The following CIRSR variants were observed in gnomAD, a reference collection of about 807,000 sequenced individuals.
CIRSR encodes corepressor of RBPJ and splicing regulator, also known as CBF1 (RBPJ) interacting corepressor 1.
the CIRSR span, chr2:174,351,477 C>A: frequency 1.8e-6 from 1 of 543,654 alleles, no homozygotes. Flanking sequence ...AAAGCAAAAT[C>A]AAAACACATT....
chr2:174,392,701 G>A, the CIRSR span, among the ~76,000 whole-genome samples: 1 of 152,186 alleles, frequency 6.6e-6, no homozygotes, highest in Admixed American at 6.5e-5. Flanking sequence ...TCTGGTTTGG[G>A]CAACAGGATG....
the CIRSR span, among the ~76,000 whole-genome samples, chr2:174,354,483 TTATATTATATAAATTATATTA>T: frequency 1.5e-4 from 12 of 80,656 alleles, no homozygotes; most frequent in South Asian, 1.6e-3. Context: ...ATAATATATA[TTATATTATATAAATTATATTA>T]TATATATCAT....
the CIRSR span, among the ~76,000 whole-genome samples, chr2:174,374,289 C>G: frequency 6.6e-6 from 1 of 152,102 alleles, no homozygotes; most frequent in Non-Finnish European, 1.5e-5. Flanking sequence ...TTAGTCCCAC[C>G]TCCTCTATTA....
the CIRSR span, among the ~76,000 whole-genome samples, chr2:174,356,533 A>AGGAAGGAAGGAAGGAC: frequency 2.0e-5 from 3 of 148,332 alleles, no homozygotes; most frequent in African/African-American, 7.5e-5. Context: ...GAAAGAAGAA[A>AGGAAGGAAGGAAGGAC]GGAAGGAAGG....
the CIRSR span, among the ~76,000 whole-genome samples, chr2:174,353,159 G>GA: frequency 6.6e-6 from 1 of 152,080 alleles, no homozygotes; most frequent in African/African-American, 2.4e-5. Context: ...AGATGATGGG[G>GA]AAAAACTGTC....
At chr2:174,349,291 G>A in the CIRSR span, 1 of 664,966 alleles carries the variant, frequency 1.5e-6, no homozygotes, top group Non-Finnish European at 2.4e-6. Context: ...CCATGGCAGA[G>A]CGCGCTGGCT....
chr2:174,349,066 A>G, the CIRSR span: 8 of 1,585,246 alleles, frequency 5.0e-6, no homozygotes, highest in Non-Finnish European at 6.9e-6. Context: ...GAGGAGGAAG[A>G]TGAGGAAGAA....
At chr2:174,394,988 C>T in the CIRSR span, among the ~76,000 whole-genome samples, 7 of 152,204 alleles carry the variant, frequency 4.6e-5, no homozygotes, top group African/African-American at 1.4e-4. Context: ...GCTCGAATAA[C>T]TAGAATCCAG....
the CIRSR span, among the ~76,000 whole-genome samples, chr2:174,353,490 T>C: frequency 6.6e-6 from 1 of 152,106 alleles, no homozygotes; most frequent in South Asian, 2.1e-4. Flanking sequence ...GTGTGTGAGA[T>C]GGAGTCTTGC....
chr2:174,393,853 A>C, the CIRSR span, among the ~76,000 whole-genome samples: 1 of 152,078 alleles, frequency 6.6e-6, no homozygotes, highest in Non-Finnish European at 1.5e-5. Flanking sequence ...TACCCTAATA[A>C]ATTTTTCTAT....
chr2:174,358,643 T>A, the CIRSR span: 1 of 152,668 alleles, frequency 6.6e-6, no homozygotes, highest in Non-Finnish European at 1.5e-5. Context: ...AATAGTTAAT[T>A]CATAGCCCTA....
the CIRSR span, among the ~76,000 whole-genome samples, chr2:174,384,268 C>T: frequency 6.6e-6 from 1 of 152,122 alleles, no homozygotes; most frequent in African/African-American, 2.4e-5. Flanking sequence ...ACAAGCCAGA[C>T]ACAAAGGAAC....
At chr2:174,381,355 T>C in the CIRSR span, among the ~76,000 whole-genome samples, 1 of 151,962 alleles carries the variant, frequency 6.6e-6, no homozygotes, top group Non-Finnish European at 1.5e-5. Flanking sequence ...CATCAAAGAC[T>C]TAAAAGAAAA....
the CIRSR span, among the ~76,000 whole-genome samples, chr2:174,351,229 A>T: frequency 6.6e-6 from 1 of 152,286 alleles, no homozygotes; most frequent in East Asian, 1.9e-4. Flanking sequence ...TTCTGGATCT[A>T]TGTATAGTTT....
At chr2:174,387,534 A>G in the CIRSR span, 14 of 728,622 alleles carry the variant, frequency 1.9e-5, no homozygotes, top group African/African-American at 2.0e-4. Context: ...ATCTACAGGT[A>G]TGAGAGTAAA....
chr2:174,363,128 G>C, the CIRSR span, among the ~76,000 whole-genome samples: 2 of 152,104 alleles, frequency 1.3e-5, no homozygotes, highest in South Asian at 2.1e-4. Context: ...AGCCTACATG[G>C]GAAAATAAAG....
the CIRSR span, among the ~76,000 whole-genome samples, chr2:174,381,028 G>C: frequency 6.6e-6 from 1 of 152,086 alleles, no homozygotes; most frequent in East Asian, 1.9e-4. Context: ...TTAATTCACA[G>C]TTTTTAAACT....
chr2:174,379,473 T>C, the CIRSR span, among the ~76,000 whole-genome samples: 6 of 152,320 alleles, frequency 3.9e-5, no homozygotes, highest in East Asian at 1.2e-3. Context: ...TTGTCTATTC[T>C]AACGACTCAA....
chr2:174,375,827 T>A, the CIRSR span, among the ~76,000 whole-genome samples: 3 of 152,228 alleles, frequency 2.0e-5, no homozygotes, highest in Admixed American at 2.0e-4. Flanking sequence ...TGCTCCTTTA[T>A]GTTTGCGTGT....
Sources: allele counts gnomAD v4.1 joint callset (sites outside exome capture counted in the v4.1 genomes callset), GRCh38; gene constraint gnomAD v4.1.1; transcripts MANE v1.5; gene names NCBI Gene and HGNC (gene_info 2026-07-23, HGNC 2026-07-21).